Variants in VPS13B observed in about 807,000 individuals in gnomAD.
VPS13B encodes vacuolar protein sorting 13 homolog B.
VPS13B carries 285 observed loss-of-function variants against 426.4 expected under a neutral mutation model. The observed-to-expected ratio is 0.67, with a 90% CI of 0.61 to 0.74. The LOEUF (loss-of-function observed/expected upper bound fraction) is 0.74, where lower values mean the gene tolerates loss of function less well. Among genes scored for constraint, VPS13B ranks in the 30% least tolerant of loss-of-function variants. VPS13B has a pLI of 0.00. For missense variants in VPS13B, 4,537 were observed against 4,782.6 expected (o/e 0.95, Z 1.51); for synonymous variants, 1,676 against 1,676.4 (o/e 1.00, Z 0.01).
chr8:99,705,673 A>G (rs1438006038), intron 36 of VPS13B, among the ~76,000 whole-genome samples: 3 of 152,136 alleles, frequency 2.0e-5, no homozygotes, highest in Admixed American at 6.6e-5. Flanking sequence ...ATTTTGAGGT[A>G]TATATTCATT....
At chr8:99,609,597 A>G (rs1003015628) in intron 33 of VPS13B, among the ~76,000 whole-genome samples, 1 of 152,304 alleles carries the variant, frequency 6.6e-6, no homozygotes, top group East Asian at 1.9e-4. Flanking sequence ...CTTGCAGTTT[A>G]GTTGCACATC....
intron 37 of VPS13B, 105 bp from the exon 38 acceptor site, chr8:99,720,240 T>C: frequency 1.1e-6 from 1 of 910,864 alleles, no homozygotes; most frequent in Non-Finnish European, 1.7e-6. Flanking sequence ...GTAATTAAAT[T>C]GAACATAATT....
chr8:99,840,594 C>T (rs968632935), intron 54 of VPS13B, among the ~76,000 whole-genome samples: 8 of 152,170 alleles, frequency 5.3e-5, no homozygotes, highest in Admixed American at 5.2e-4. Flanking sequence ...CAGCCAGACT[C>T]CACTCTCATC....
chr8:99,794,213 A>G (rs1812694835), intron 43 of VPS13B, among the ~76,000 whole-genome samples: 1 of 152,212 alleles, frequency 6.6e-6, no homozygotes, highest in Non-Finnish European at 1.5e-5. Context: ...ATTCGATGTA[A>G]GAGGCTGGAG....
intron 45 of VPS13B, among the ~76,000 whole-genome samples, chr8:99,818,063 G>A (rs527754985): frequency 1.3e-5 from 2 of 152,124 alleles, no homozygotes; most frequent in African/African-American, 2.4e-5. Flanking sequence ...GCTGCCCCAG[G>A]GTTAGGGGTA....
intron 60 of VPS13B, 32 bp downstream of exon 60, chr8:99,870,919 C>T: frequency 6.2e-7 from 1 of 1,600,362 alleles, no homozygotes; most frequent in Non-Finnish European, 8.6e-7. Flanking sequence ...CTCAACTTTA[C>T]ATCCATATTG....
At position 99,115,826 on chromosome 8, in the gene VPS13B, A is replaced by G; in HGVS notation, c.889A>G (p.Ile297Val). The change falls in exon 7 of 62, where the codon ATA becomes GTA. Residue 297 changes from isoleucine to valine, a missense_variant. Ile to Val is a conservative substitution (Grantham distance 29). This residue lies in a region of VPS13B where 4,311 missense variants were observed against 4,474.3 expected (regional missense o/e 0.96). Transcript: ENST00000357162. ...AATAGGCAATTTTAAAGAAGGCGAAATAGAGGACCTTACTTGTCATAATAA... is the reference window on the plus strand; with the variant it reads ...AATAGGCAATTTTAAAGAAGGCGAAGTAGAGGACCTTACTTGTCATAATAA... ...GEIGNFKEGE[I>V]EDLTCHNKDM... 6.2e-7 allele frequency: 1 copy of G among 1,613,740 alleles called. No individual in the cohort carries two copies. The highest frequency in any genetic ancestry group is 8.5e-7 in the Non-Finnish European group (1 of 1,179,828).
chr8:99,110,348 T>C (rs1007253722), intron 5 of VPS13B, among the ~76,000 whole-genome samples: 3 of 152,166 alleles, frequency 2.0e-5, no homozygotes, highest in African/African-American at 7.2e-5. Context: ...GAAATATTGA[T>C]TTGCTAAAGG....
chr8:99,774,358 T>C (rs551202086), intron 40 of VPS13B, among the ~76,000 whole-genome samples: 1 of 152,336 alleles, frequency 6.6e-6, no homozygotes, highest in Non-Finnish European at 1.5e-5. Flanking sequence ...CAGGAGCTAC[T>C]GTATATACCT....
At chr8:99,260,439 C>A (rs2030611443) in intron 17 of VPS13B, among the ~76,000 whole-genome samples, 1 of 152,018 alleles carries the variant, frequency 6.6e-6, no homozygotes, top group Non-Finnish European at 1.5e-5. Flanking sequence ...TAAGCATGAA[C>A]CCTTAAAAGC....
At chr8:99,285,510 C>T (rs1819387020) in intron 19 of VPS13B, among the ~76,000 whole-genome samples, 1 of 152,084 alleles carries the variant, frequency 6.6e-6, no homozygotes, top group African/African-American at 2.4e-5. Context: ...GTGAACTTCA[C>T]TAGAAAATAC....
chr8:99,384,971 G>A (rs56053411), intron 20 of VPS13B, among the ~76,000 whole-genome samples: 8 of 152,242 alleles, frequency 5.3e-5, no homozygotes, highest in East Asian at 3.9e-4. Context: ...GAGCCACAGC[G>A]TCTGACCAGC....
At chr8:99,849,260 C>G (rs964739068) in intron 55 of VPS13B, among the ~76,000 whole-genome samples, 1 of 152,122 alleles carries the variant, frequency 6.6e-6, no homozygotes. Flanking sequence ...AATATAAATA[C>G]GCCTCTTAGA....
At chr8:99,241,433 T>C (rs190772781) in intron 17 of VPS13B, 5 of 152,294 alleles carry the variant, frequency 3.3e-5, no homozygotes, top group African/African-American at 1.2e-4. Flanking sequence ...CTTTGTGAAA[T>C]CCCAATTTAT....
intron 21 of VPS13B, chr8:99,429,737 C>G (rs1456024990): frequency 6.6e-6 from 1 of 152,224 alleles, no homozygotes; most frequent in Non-Finnish European, 1.5e-5. Flanking sequence ...TACAACCTGT[C>G]TTCCTTTTTC....
intron 42 of VPS13B, among the ~76,000 whole-genome samples, chr8:99,780,059 A>G (rs866427022): frequency 2.0e-5 from 3 of 152,222 alleles, no homozygotes; most frequent in Non-Finnish European, 4.4e-5. Context: ...ACATGGCACT[A>G]TAATAGCAAA....
At chr8:99,829,934 GAA>G (rs987461478) in intron 51 of VPS13B, among the ~76,000 whole-genome samples, 4 of 152,192 alleles carry the variant, frequency 2.6e-5, no homozygotes, top group Non-Finnish European at 5.9e-5. Context: ...AGAGACTCCA[GAA>G]CAGCAAAGAT....
At chr8:99,320,252 A>G (rs1246492801) in intron 19 of VPS13B, among the ~76,000 whole-genome samples, 2 of 152,192 alleles carry the variant, frequency 1.3e-5, no homozygotes, top group Non-Finnish European at 2.9e-5. Flanking sequence ...ATTTCCCAGC[A>G]TCCTGATATT....
chr8:99,157,038 A>C (rs1811400851), intron 15 of VPS13B, among the ~76,000 whole-genome samples: 1 of 152,198 alleles, frequency 6.6e-6, no homozygotes, highest in Non-Finnish European at 1.5e-5. Context: ...AAGCAATGTG[A>C]AAGAGCACTT....
Sources: gnomAD v4.1 joint callset for allele counts (sites outside exome capture counted in the v4.1 genomes callset) on GRCh38, gnomAD v4.1.1 for gene constraint, gnomAD v4.1.1 regional missense constraint, MANE v1.5 for transcripts, NCBI Gene and HGNC (gene_info 2026-07-23, HGNC 2026-07-21) for gene names.